PXDNL: variants seen among roughly 807,000 people sequenced by gnomAD.
PXDNL encodes probable oxidoreductase PXDNL.
In PXDNL, 145 loss-of-function variants were observed where a neutral mutation model predicts 150.8. That is an observed-to-expected ratio of 0.96 (90% confidence interval 0.84 to 1.10). The LOEUF is 1.10. Among genes scored for constraint, PXDNL ranks in the 50% least tolerant of loss-of-function variants. The pLI, the probability that PXDNL is intolerant of heterozygous loss-of-function variation, is 0.00. For synonymous variants in PXDNL, 757 were observed against 725.7 expected (o/e 1.04, Z -0.69); for missense variants, 2,087 against 1,873.9 (o/e 1.11, Z -2.10).
chr8:51,550,649 C>G (rs1304932388), intron 4 of PXDNL, among the ~76,000 whole-genome samples: 1 of 151,992 alleles, frequency 6.6e-6, no homozygotes, highest in East Asian at 1.9e-4. Flanking sequence ...TGATTAAAAC[C>G]CTCAGTGAAA....
At chr8:51,484,373 T>A (rs1810678534) in intron 5 of PXDNL, among the ~76,000 whole-genome samples, 1 of 151,492 alleles carries the variant, frequency 6.6e-6, no homozygotes, top group South Asian at 2.1e-4. Flanking sequence ...AGGCAGAGGT[T>A]TTAGTGAGCC....
chr8:51,652,440 CACACACACACACACACACACAA>C (rs1371631104), intron 2 of PXDNL, among the ~76,000 whole-genome samples: 3 of 98,598 alleles, frequency 3.0e-5, no homozygotes, highest in African/African-American at 1.7e-4. Flanking sequence ...CTCTCTCTCT[CACACACACACACACACACACAA>C]ACACACACAC....
At chr8:51,368,510 G>A (rs115546230) in intron 19 of PXDNL, among the ~76,000 whole-genome samples, 1,996 of 151,662 alleles carry the variant, frequency 0.013, 36 homozygotes, top group African/African-American at 0.045. Flanking sequence ...GCTATTATTC[G>A]TGGGAAACAA....
At chr8:51,349,064 G>C (rs768305195) in intron 19 of PXDNL, among the ~76,000 whole-genome samples, 2 of 152,154 alleles carry the variant, frequency 1.3e-5, no homozygotes, top group Non-Finnish European at 2.9e-5. Context: ...TGTGACATGC[G>C]GGTATGAATT....
chr8:51,538,270 T>G (rs761029282), intron 4 of PXDNL, among the ~76,000 whole-genome samples: 7 of 152,242 alleles, frequency 4.6e-5, no homozygotes, highest in Non-Finnish European at 8.8e-5. Flanking sequence ...ATTTTTGCTC[T>G]GGTATAATTC....
chr8:51,366,355 A>G (rs182372920), intron 19 of PXDNL, among the ~76,000 whole-genome samples: 271 of 152,206 alleles, frequency 1.8e-3, no homozygotes, highest in African/African-American at 6.3e-3. Context: ...CTGTTCCTGA[A>G]CCTCACTTCT....
intron 2 of PXDNL, among the ~76,000 whole-genome samples, chr8:51,610,674 G>T (rs1379207680): frequency 6.6e-6 from 1 of 152,198 alleles, no homozygotes; most frequent in African/African-American, 2.4e-5. Context: ...TCACCAGGCT[G>T]AAATCAAATT....
chr8:51,802,504 T>G (rs1406410218), intron 1 of PXDNL, among the ~76,000 whole-genome samples: 1 of 152,192 alleles, frequency 6.6e-6, no homozygotes, highest in East Asian at 1.9e-4. Flanking sequence ...CAGCTATTGT[T>G]AGTGTTAGTG....
At chr8:51,751,022 T>C (rs960371635) in intron 1 of PXDNL, among the ~76,000 whole-genome samples, 2 of 152,076 alleles carry the variant, frequency 1.3e-5, no homozygotes, top group African/African-American at 4.8e-5. Flanking sequence ...CCAGAGAAAA[T>C]GCCAGTTATT....
At chr8:51,655,979 A>G (rs1815140925) in intron 1 of PXDNL, among the ~76,000 whole-genome samples, 1 of 152,214 alleles carries the variant, frequency 6.6e-6, no homozygotes, top group Non-Finnish European at 1.5e-5. Context: ...TCATTTTGAT[A>G]AACTAATTTG....
At chr8:51,630,929 G>A (rs1175393341) in intron 2 of PXDNL, among the ~76,000 whole-genome samples, 1 of 151,892 alleles carries the variant, frequency 6.6e-6, no homozygotes, top group Admixed American at 6.6e-5. Context: ...CTCTTTGTTG[G>A]GTATATACCC....
intron 12 of PXDNL, among the ~76,000 whole-genome samples, chr8:51,429,868 G>A (rs1809209355): frequency 6.6e-6 from 1 of 151,828 alleles, no homozygotes; most frequent in South Asian, 2.1e-4. Context: ...TTCCTCTGTT[G>A]GAATCTTATT....
At chr8:51,474,905 A>T in intron 7 of PXDNL, 67 bp downstream of exon 7, 2 of 1,319,150 alleles carry the variant, frequency 1.5e-6, no homozygotes, top group Non-Finnish European at 2.1e-6. Context: ...ATTATATAAT[A>T]AACCTTTACA....
At chr8:51,599,743 T>C in intron 2 of PXDNL, among the ~76,000 whole-genome samples, 1 of 146,588 alleles carries the variant, frequency 6.8e-6, no homozygotes, top group Non-Finnish European at 1.5e-5. Context: ...ATATCTTATA[T>C]AAATGATATC....
In PXDNL at chr8:51,446,674, C is replaced by T. The variant is rs1213471998; in HGVS notation, c.1525+330G>A. Among the ~76,000 whole-genome samples the T allele has an allele frequency of 2.6e-5, 4 of 152,046 alleles. No individual in the cohort carries two copies. The East Asian group carries it at 5.8e-4, about 22-fold the overall frequency. On this transcript the variant is annotated intron_variant, in intron 12 of 22. Transcript: ENST00000356297. ...TTCAGTGTCAGAGTGAGATTCAGCACGTCAGGCCGAGAAGCTGCATTCTTT... is the reference window on the plus strand; with the variant it reads ...TTCAGTGTCAGAGTGAGATTCAGCATGTCAGGCCGAGAAGCTGCATTCTTT...
At chr8:51,389,384 C>G (rs574508153) in intron 17 of PXDNL, among the ~76,000 whole-genome samples, 6 of 152,130 alleles carry the variant, frequency 3.9e-5, no homozygotes, top group Non-Finnish European at 8.8e-5. Context: ...ATTTCAGCCT[C>G]GGTCCCTGAT....
chr8:51,749,473 G>A (rs185579774), intron 1 of PXDNL, among the ~76,000 whole-genome samples: 1 of 152,022 alleles, frequency 6.6e-6, no homozygotes, highest in Non-Finnish European at 1.5e-5. Flanking sequence ...TAAGTATAGT[G>A]TATCTAAACA....
chr8:51,628,257 A>G (rs1814403735), intron 2 of PXDNL, among the ~76,000 whole-genome samples: 1 of 152,060 alleles, frequency 6.6e-6, no homozygotes, highest in Non-Finnish European at 1.5e-5. Flanking sequence ...AGAGTTGTAA[A>G]TGGTCTGGCT....
intron 6 of PXDNL, among the ~76,000 whole-genome samples, chr8:51,476,217 A>G (rs1170101412): frequency 6.6e-6 from 1 of 152,220 alleles, no homozygotes; most frequent in Non-Finnish European, 1.5e-5. Flanking sequence ...TTTTTGGATT[A>G]CTCAAAAGAG....
Sources: allele counts gnomAD v4.1 joint callset (sites outside exome capture counted in the v4.1 genomes callset), GRCh38; gene constraint gnomAD v4.1.1; transcripts MANE v1.5; gene names NCBI Gene and HGNC (gene_info 2026-07-23, HGNC 2026-07-21).